The following CFHR2 variants were observed in gnomAD, a reference collection of about 807,000 sequenced individuals.
CFHR2 encodes the protein complement factor H related 2.
Under a neutral mutation model 21.7 loss-of-function variants are expected in CFHR2, and 22 were observed. The observed-to-expected ratio is 1.01, with a 90% CI of 0.72 to 1.45. CFHR2 has a LOEUF of 1.45. Ranked by LOEUF, CFHR2 falls within the 40% of genes most tolerant of loss-of-function variation. The pLI, the probability that CFHR2 is intolerant of heterozygous loss-of-function variation, is 0.00. For synonymous variants in CFHR2, 98 were observed against 97.4 expected (o/e 1.01, Z -0.04); for missense variants, 294 against 293.3 (o/e 1.00, Z -0.02).
chr1:196,952,213 C>A (rs1247996629), intron 3 of CFHR2, among the ~76,000 whole-genome samples: 2 of 152,124 alleles, frequency 1.3e-5, no homozygotes, highest in Non-Finnish European at 2.9e-5. Flanking sequence ...GTGTTCAAGG[C>A]TGCAGTGAGC....
chr1:196,955,795 C>T (rs567518826), intron 3 of CFHR2, among the ~76,000 whole-genome samples: 10 of 151,906 alleles, frequency 6.6e-5, no homozygotes, highest in South Asian at 4.2e-4. Flanking sequence ...TGCAGTGAGC[C>T]GAGATAGTGC....
chr1:196,950,191 A>G (rs2125007282), intron 2 of CFHR2, among the ~76,000 whole-genome samples: 1 of 152,326 alleles, frequency 6.6e-6, no homozygotes, highest in Admixed American at 6.5e-5. Flanking sequence ...CAAAGGAGAT[A>G]GCAATGATCT....
chr1:196,950,719 C>T, intron 2 of CFHR2, 133 bp from the exon 3 acceptor site: 2 of 961,622 alleles, frequency 2.1e-6, no homozygotes, highest in South Asian at 3.1e-5. Flanking sequence ...ATGATCCACT[C>T]ACCTCAGCCT....
At chr1:196,956,345 T>C (rs980770731) in intron 3 of CFHR2, among the ~76,000 whole-genome samples, 7 of 152,246 alleles carry the variant, frequency 4.6e-5, no homozygotes, top group Admixed American at 1.3e-4. Context: ...TGTATATTTT[T>C]TCAAGTTATG....
chr1:196,946,977 A>G (rs1659522465), intron 1 of CFHR2, among the ~76,000 whole-genome samples: 1 of 152,180 alleles, frequency 6.6e-6, no homozygotes, highest in African/African-American at 2.4e-5. Flanking sequence ...CAAACATGTG[A>G]GTAATATATT....
chr1:196,946,145 C>T (rs1394269564), intron 1 of CFHR2, among the ~76,000 whole-genome samples: 2 of 152,154 alleles, frequency 1.3e-5, no homozygotes, highest in Non-Finnish European at 2.9e-5. Flanking sequence ...GAAAGTTGCT[C>T]TCAGTAAGTC....
At position 196,955,668 on chromosome 1, in the gene CFHR2, G is replaced by T. The variant is rs543966348; in HGVS notation, c.431-2223G>T. Among the ~76,000 whole-genome samples, 6 of 151,830 alleles carry T rather than the reference G, an allele frequency of 4.0e-5. 1 individual carries two copies. In the South Asian group the frequency reaches 8.3e-4, roughly 21 times the overall value. On this transcript the variant is annotated intron_variant, in intron 3 of 4. Transcript: ENST00000367415. ...ATTTGGGACTAGCCTGACCCACATC[G>T]TGAAACTCTGTCTTTGATAAAATAT...
intron 3 of CFHR2, among the ~76,000 whole-genome samples, chr1:196,955,586 C>T (rs959683948): frequency 5.3e-5 from 8 of 152,164 alleles, no homozygotes; most frequent in South Asian, 2.1e-4. Flanking sequence ...TGGTGGCTCA[C>T]ACCTGTAATC....
intron 2 of CFHR2, among the ~76,000 whole-genome samples, chr1:196,950,624 C>T (rs924659940): frequency 1.3e-5 from 2 of 152,052 alleles, no homozygotes; most frequent in Non-Finnish European, 2.9e-5. Context: ...CAAGTGCACA[C>T]CACTATGCCC....
chr1:196,950,818 C>T, intron 2 of CFHR2, 34 bp from the exon 3 acceptor site: 1 of 1,609,198 alleles, frequency 6.2e-7, no homozygotes, highest in Non-Finnish European at 8.5e-7. Context: ...TTTGCTACTT[C>T]CATCTTGTCT....
In CFHR2 at chr1:196,951,319, G is replaced by C. The variant is rs141110174; in HGVS notation, c.430+291G>C. Reference sequence around the variant, plus strand: ...GTGTGTGGTTTATAGTATCGGGTTAGTTGACAAGAAATGGTTACAAAACTG... The same window carrying C: ...GTGTGTGGTTTATAGTATCGGGTTACTTGACAAGAAATGGTTACAAAACTG... On this transcript the variant is annotated intron_variant, in intron 3 of 4. Coordinates refer to ENST00000367415, the MANE Select transcript of CFHR2 (RefSeq NM_005666.4). Among the ~76,000 whole-genome samples the C allele has an allele frequency of 7.7e-4, 118 of 152,298 alleles. 2 individuals carry two copies. In the East Asian group the frequency reaches 0.021, roughly 27 times the overall value.
In CFHR2 at chr1:196,948,282, A is replaced by T. The variant is rs144171293; in HGVS notation, c.59-1173A>T. Among the ~76,000 whole-genome samples the T allele has an allele frequency of 9.0e-3, 1,337 of 148,816 alleles. 18 individuals are homozygous for T. Among genetic ancestry groups the T allele is most frequent in the African/African-American group, 0.032 (1,271 of 40,200 alleles). ...CAAACAATTTATTTTATTTTATTTT[A>T]ATTTTTTTTGAGGTAGAGTCTTGCT... On this transcript the variant is annotated intron_variant, in intron 1 of 4. Coordinates refer to ENST00000367415, the MANE Select transcript of CFHR2 (RefSeq NM_005666.4).
chr1:196,950,566 T>G (rs555667562), intron 2 of CFHR2, among the ~76,000 whole-genome samples: 1 of 152,110 alleles, frequency 6.6e-6, no homozygotes, highest in African/African-American at 2.4e-5. Flanking sequence ...CTCTGCCTTC[T>G]GGGTTCAAGT....
chr1:196,958,393 AGT>A (rs111351996), intron 4 of CFHR2, among the ~76,000 whole-genome samples: 4,281 of 148,470 alleles, frequency 0.029, 162 homozygotes, highest in African/African-American at 0.087. Flanking sequence ...ATTGTGTGTA[AGT>A]GTGTGTGTGT....
At chr1:196,954,431 A>T (rs1363990164) in intron 3 of CFHR2, among the ~76,000 whole-genome samples, 3 of 152,214 alleles carry the variant, frequency 2.0e-5, no homozygotes, top group African/African-American at 7.2e-5. Context: ...CCAGGTGCAT[A>T]GTACAAGCTG....
chr1:196,946,534 T>C (rs1249662823), intron 1 of CFHR2, among the ~76,000 whole-genome samples: 1 of 152,200 alleles, frequency 6.6e-6, no homozygotes, highest in Non-Finnish European at 1.5e-5. Flanking sequence ...TTTTATCTTT[T>C]AAATATTTTA....
intron 3 of CFHR2, 129 bp from the exon 4 acceptor site, chr1:196,957,762 C>G (rs1571497459): frequency 1.3e-6 from 1 of 790,132 alleles, no homozygotes; most frequent in Non-Finnish European, 2.0e-6. Context: ...AAATTTTACT[C>G]CGGGAATCAT....
intron 2 of CFHR2, 88 bp downstream of exon 2, chr1:196,949,737 CAGG>C: frequency 6.5e-7 from 1 of 1,529,130 alleles, no homozygotes; most frequent in Non-Finnish European, 9.0e-7. Context: ...TTGATAATCA[CAGG>C]AGCAGTGACC....
rs769117745 is a variant in CFHR2, at chr1:196,959,099, T to C, written c.*19T>C. On this transcript the variant is annotated 3_prime_UTR_variant, in exon 5 of 5. Coordinates refer to ENST00000367415, the MANE Select transcript of CFHR2 (RefSeq NM_005666.4). ...AAAATAGAATCAATGGCATTACTAT[T>C]AGTAAAATGCACACCTTTTTCTGAA... 6.7e-7 allele frequency: 1 copy of C among 1,502,866 alleles called. No homozygotes were observed. The highest frequency in any genetic ancestry group is 9.2e-7 in the Non-Finnish European group (1 of 1,092,550). 93.1% of individuals were successfully genotyped at this position (1,502,866 alleles called of 1,614,324 possible).
Sources: gnomAD v4.1 joint callset for allele counts (sites outside exome capture counted in the v4.1 genomes callset) on GRCh38, gnomAD v4.1.1 for gene constraint, MANE v1.5 for transcripts, NCBI Gene and HGNC (gene_info 2026-07-23, HGNC 2026-07-21) for gene names.